FSHR: variants seen among roughly 807,000 people sequenced by gnomAD.
FSHR encodes follicle-stimulating hormone receptor.
In FSHR, 46 loss-of-function variants were observed where a neutral mutation model predicts 52.1. That is an observed-to-expected ratio of 0.88 (90% CI 0.70 to 1.13). The LOEUF (loss-of-function observed/expected upper bound fraction) is 1.13. Among genes scored for constraint, FSHR ranks in the 50% most tolerant of loss-of-function variants. FSHR has a pLI of 0.00. For missense variants in FSHR, 964 were observed against 834.6 expected (o/e 1.16, Z -1.91); for synonymous variants, 399 against 309.6 (o/e 1.29, Z -3.03).
intron 1 of FSHR, among the ~76,000 whole-genome samples, chr2:49,096,295 C>T (rs914931813): frequency 2.0e-5 from 3 of 152,104 alleles, no homozygotes; most frequent in Non-Finnish European, 4.4e-5. Context: ...GAATGAAGTC[C>T]TGATAAATGA....
At chr2:49,103,334 G>C (rs1671101788) in intron 1 of FSHR, among the ~76,000 whole-genome samples, 2 of 152,086 alleles carry the variant, frequency 1.3e-5, no homozygotes, top group African/African-American at 4.8e-5. Context: ...ATAAACTCAG[G>C]CTCACATCAA....
At chr2:49,073,956 T>C (rs1167744664) in intron 1 of FSHR, among the ~76,000 whole-genome samples, 2 of 152,070 alleles carry the variant, frequency 1.3e-5, no homozygotes, top group African/African-American at 4.8e-5. Context: ...GTCTCTTCAA[T>C]AAATTCTGCT....
intron 2 of FSHR, among the ~76,000 whole-genome samples, chr2:49,033,020 G>T (rs1435920440): frequency 6.6e-6 from 1 of 152,162 alleles, no homozygotes; most frequent in Non-Finnish European, 1.5e-5. Context: ...TTCACAATTT[G>T]CATATCTAAT....
chr2:49,028,122 T>G (rs542258520), intron 2 of FSHR, among the ~76,000 whole-genome samples: 35 of 152,218 alleles, frequency 2.3e-4, no homozygotes, highest in South Asian at 1.7e-3. Context: ...GGTGCGAGGT[T>G]GGAGTAGCCT....
chr2:49,087,684 A>G (rs1670450811), intron 1 of FSHR, among the ~76,000 whole-genome samples: 1 of 152,226 alleles, frequency 6.6e-6, no homozygotes, highest in African/African-American at 2.4e-5. Flanking sequence ...ATACATATGC[A>G]TAGTTGGGTG....
chr2:49,143,211 A>T (rs1383865435), intron 1 of FSHR, among the ~76,000 whole-genome samples: 1 of 152,188 alleles, frequency 6.6e-6, no homozygotes, highest in Non-Finnish European at 1.5e-5. Context: ...AGGAGATCAA[A>T]GTTTTGCCTG....
At chr2:49,146,067 G>A (rs138606159) in intron 1 of FSHR, among the ~76,000 whole-genome samples, 2 of 152,122 alleles carry the variant, frequency 1.3e-5, no homozygotes, top group East Asian at 3.9e-4. Flanking sequence ...ACTTGTGACT[G>A]GATTTTTGTT....
intron 4 of FSHR, among the ~76,000 whole-genome samples, chr2:49,011,453 G>A (rs1242269045): frequency 6.6e-6 from 1 of 152,104 alleles, no homozygotes; most frequent in East Asian, 1.9e-4. Flanking sequence ...TTCCAAGTAT[G>A]TGGTCAGTTT....
In FSHR at chr2:49,154,334, C is replaced by A. The variant is rs190096402; in HGVS notation, c.84G>T (p.Arg28Ser). The A allele has an allele frequency of 3.4e-5, 55 of 1,613,842 alleles. No homozygotes were observed. In the East Asian group the frequency reaches 1.2e-3, roughly 35 times the overall value. ...CHHRICHCSN[R>S]VFLCQESKVT... ...CCTTGCTCTCTTGGCAGAGAAAAAC[C>A]CTGTTAGAGCAGTGACAGATCCGAT... is the stretch of plus-strand genomic sequence containing the variant. The change falls in exon 1 of 10, where the codon AGG becomes AGT. Residue 28 changes from arginine (R) to serine (S), a missense_variant. Arg to Ser is a moderately radical substitution (Grantham distance 110). Coordinates refer to ENST00000406846, the MANE Select transcript of FSHR (RefSeq NM_000145.4).
At chr2:48,975,228 T>G (rs1674933465) in intron 8 of FSHR, among the ~76,000 whole-genome samples, 1 of 152,170 alleles carries the variant, frequency 6.6e-6, no homozygotes, top group Non-Finnish European at 1.5e-5. Context: ...CTTCTTCTCC[T>G]ACTTTTAGAC....
At position 48,962,559 on chromosome 2, in the gene FSHR, G is replaced by C. The variant is rs1406161889; in HGVS notation, c.*174C>G. On this transcript the variant is annotated 3_prime_UTR_variant, in exon 10 of 10. Transcript: ENST00000406846. ...TATTATTGTTGTTACTAATAATTCA[G>C]CTTCCTAATGTATCACATGGAATTA... is the stretch of plus-strand genomic sequence containing the variant. 3 of 634,432 alleles carry C rather than the reference G, an allele frequency of 4.7e-6. No individual in the cohort carries two copies. Among genetic ancestry groups the C allele is most frequent in the Non-Finnish European group, 8.3e-6 (3 of 363,210 alleles). 39.3% of individuals were successfully genotyped at this position (634,432 alleles called of 1,614,324 possible).
chr2:49,127,851 T>TTCC (rs1672103222), intron 1 of FSHR, among the ~76,000 whole-genome samples: 1 of 29,140 alleles, frequency 3.4e-5, no homozygotes, highest in African/African-American at 3.1e-4. Flanking sequence ...CTTCTTCTTC[T>TTCC]TCTTCTTCTT....
At chr2:49,150,011 T>C (rs543881722) in intron 1 of FSHR, among the ~76,000 whole-genome samples, 12 of 152,208 alleles carry the variant, frequency 7.9e-5, no homozygotes, top group African/African-American at 1.9e-4. Context: ...ACGTCCATAC[T>C]GTTGCCTAGA....
chr2:49,138,420 C>G (rs1193848879), intron 1 of FSHR, among the ~76,000 whole-genome samples: 1 of 152,126 alleles, frequency 6.6e-6, no homozygotes, highest in Non-Finnish European at 1.5e-5. Flanking sequence ...AAAACAGCAT[C>G]ATTCATCATA....
At chr2:49,082,392 G>A (rs1343387045) in intron 1 of FSHR, among the ~76,000 whole-genome samples, 1 of 152,078 alleles carries the variant, frequency 6.6e-6, no homozygotes, top group Non-Finnish European at 1.5e-5. Context: ...CACAAAGATG[G>A]GGAAAAAACA....
intron 1 of FSHR, among the ~76,000 whole-genome samples, chr2:49,148,789 A>G (rs1672960153): frequency 6.6e-6 from 1 of 152,010 alleles, no homozygotes; most frequent in African/African-American, 2.4e-5. Flanking sequence ...GTAAAGACAC[A>G]AAGAGGTAGA....
At chr2:49,061,735 G>A (rs1669307520) in intron 2 of FSHR, among the ~76,000 whole-genome samples, 4 of 131,300 alleles carry the variant, frequency 3.0e-5, no homozygotes, top group South Asian at 2.3e-4. Context: ...AAAATATATA[G>A]CTATTTATAT....
intron 2 of FSHR, among the ~76,000 whole-genome samples, chr2:49,026,346 AGTC>A (rs1558398156): frequency 3.3e-5 from 5 of 152,226 alleles, no homozygotes; most frequent in Non-Finnish European, 7.4e-5. Flanking sequence ...TAAAAATCAC[AGTC>A]ATAATAGCTA....
chr2:49,105,299 T>C (rs1315448201), intron 1 of FSHR, among the ~76,000 whole-genome samples: 1 of 152,114 alleles, frequency 6.6e-6, no homozygotes, highest in Non-Finnish European at 1.5e-5. Context: ...TGCATTGGTA[T>C]ATCTCAATCA....
Sources: allele counts gnomAD v4.1 joint callset (sites outside exome capture counted in the v4.1 genomes callset), GRCh38; gene constraint gnomAD v4.1.1; transcripts MANE v1.5; gene names NCBI Gene and HGNC (gene_info 2026-07-23, HGNC 2026-07-21).